URI1: variants seen among roughly 807,000 people sequenced by gnomAD.
The protein encoded by URI1 is unconventional prefoldin RPB5 interactor 1.
Under a neutral mutation model 60.2 loss-of-function variants are expected in URI1, and 39 were observed. The observed-to-expected ratio is 0.65, with a 90% CI of 0.50 to 0.85. The LOEUF is 0.85. Ranked by LOEUF, URI1 falls within the 40% of genes least tolerant of loss-of-function variation. URI1 has a pLI of 0.00. For missense variants in URI1, 691 were observed against 665.9 expected (o/e 1.04, Z -0.42); for synonymous variants, 251 against 236.8 (o/e 1.06, Z -0.55).
At chr19:30,008,687 T>A (rs2055975225) in intron 7 of URI1, among the ~76,000 whole-genome samples, 1 of 152,080 alleles carries the variant, frequency 6.6e-6, no homozygotes, top group African/African-American at 2.4e-5. Flanking sequence ...GAGATAAATG[T>A]TCTCTGAATT....
chr19:30,011,034 T>G, intron 8 of URI1, 60 bp from the exon 9 acceptor site: 1 of 1,550,318 alleles, frequency 6.5e-7, no homozygotes, highest in Non-Finnish European at 8.7e-7. Context: ...TTTATTTGTT[T>G]TGGTTTCACT....
intron 2 of URI1, among the ~76,000 whole-genome samples, chr19:29,977,610 T>G (rs939634203): frequency 7.3e-6 from 1 of 137,148 alleles, no homozygotes; most frequent in Non-Finnish European, 1.5e-5. Flanking sequence ...TGCCAAACTT[T>G]CTGGAAATTT....
chr19:30,001,677 T>C (rs867478622), intron 4 of URI1, among the ~76,000 whole-genome samples: 2 of 152,012 alleles, frequency 1.3e-5, no homozygotes, highest in African/African-American at 2.4e-5. Context: ...CCAGGTCCGA[T>C]ATCCCAGATC....
At chr19:29,972,103 C>T (rs958175697) in intron 2 of URI1, among the ~76,000 whole-genome samples, 1 of 152,022 alleles carries the variant, frequency 6.6e-6, no homozygotes, top group Non-Finnish European at 1.5e-5. Flanking sequence ...TAGTGTATAT[C>T]AAATGTTTTT....
At chr19:29,928,421 C>CGATGT (rs1555733902) in intron 1 of URI1, among the ~76,000 whole-genome samples, 1 of 152,104 alleles carries the variant, frequency 6.6e-6, no homozygotes, top group Non-Finnish European at 1.5e-5. Context: ...CAGTCTGGGC[C>CGATGT]GATGTCACGA....
At chr19:29,941,747 G>A (rs191882957), upstream of URI1, among the ~76,000 whole-genome samples, 215 of 152,174 alleles carry the variant, frequency 1.4e-3, 1 homozygote, top group African/African-American at 5.1e-3. Context: ...AATACAATGT[G>A]TACAGTAATT....
intron 1 of URI1, among the ~76,000 whole-genome samples, chr19:29,961,675 G>GTTTTTTT (rs200425572): frequency 2.6e-5 from 3 of 117,632 alleles, no homozygotes; most frequent in Non-Finnish European, 3.6e-5. Flanking sequence ...TTTTTTTTTT[G>GTTTTTTT]TTTTTTTTTT....
intron 4 of URI1, among the ~76,000 whole-genome samples, chr19:29,989,987 T>C (rs1016645844): frequency 6.6e-6 from 1 of 152,194 alleles, no homozygotes; most frequent in Non-Finnish European, 1.5e-5. Flanking sequence ...GATTTTCTTC[T>C]GTGTTTTCTT....
At chr19:29,957,592 CA>C (rs1322491122) in intron 1 of URI1, among the ~76,000 whole-genome samples, 3 of 152,078 alleles carry the variant, frequency 2.0e-5, no homozygotes, top group African/African-American at 4.8e-5. Context: ...CTTTGTTCTT[CA>C]AGATTGTCTT....
chr19:29,937,458 G>A (rs1343227650), upstream of URI1, among the ~76,000 whole-genome samples: 3 of 152,064 alleles, frequency 2.0e-5, no homozygotes, highest in African/African-American at 7.2e-5. Context: ...TGAGCACTTG[G>A]CATTTTGGGT....
intron 1 of URI1, among the ~76,000 whole-genome samples, chr19:29,949,217 C>T (rs1366510523): frequency 6.7e-6 from 1 of 148,508 alleles, no homozygotes; most frequent in African/African-American, 2.5e-5. Context: ...GGCGGAGGGG[C>T]TCCTCACTTT....
intron 8 of URI1, among the ~76,000 whole-genome samples, chr19:30,010,125 A>G (rs2055999051): frequency 6.6e-6 from 1 of 152,210 alleles, no homozygotes; most frequent in African/African-American, 2.4e-5. Flanking sequence ...TTTAAGGCCT[A>G]GAAGACATAG....
chr19:29,967,602 G>GT (rs2055406072), intron 1 of URI1, among the ~76,000 whole-genome samples: 1 of 152,216 alleles, frequency 6.6e-6, no homozygotes, highest in Non-Finnish European at 1.5e-5. Context: ...TTATTTGTGA[G>GT]TGTGGGACTG....
chr19:29,924,986 C>T (rs1269607557), intron 1 of URI1, among the ~76,000 whole-genome samples: 1 of 152,240 alleles, frequency 6.6e-6, no homozygotes, highest in African/African-American at 2.4e-5. Flanking sequence ...CAGGCATGCA[C>T]CACCACGCCC....
intron 7 of URI1, 28 bp downstream of exon 7, chr19:30,007,666 G>T: frequency 1.3e-6 from 2 of 1,543,848 alleles, no homozygotes; most frequent in South Asian, 1.2e-5. Flanking sequence ...ATCTTTCCAA[G>T]ATAATTTGTT....
At chr19:30,010,605 C>T (rs1315979069) in intron 8 of URI1, among the ~76,000 whole-genome samples, 1 of 152,048 alleles carries the variant, frequency 6.6e-6, no homozygotes, top group Non-Finnish European at 1.5e-5. Context: ...CCATGTGAAC[C>T]CTGAACAGGC....
intron 1 of URI1, chr19:29,956,339 T>G: frequency 1.6e-6 from 1 of 639,356 alleles, no homozygotes; most frequent in Non-Finnish European, 2.5e-6. Flanking sequence ...TTTTATTGCA[T>G]CATTGAAATA....
chr19:29,995,847 G>A (rs114654063), intron 4 of URI1, among the ~76,000 whole-genome samples: 3,385 of 151,884 alleles, frequency 0.022, 145 homozygotes, highest in African/African-American at 0.078. Flanking sequence ...TTCTCAACAC[G>A]ATTTGCTGAA....
At chr19:29,999,684 G>A (rs1350567503) in intron 4 of URI1, among the ~76,000 whole-genome samples, 1 of 151,950 alleles carries the variant, frequency 6.6e-6, no homozygotes, top group Non-Finnish European at 1.5e-5. Flanking sequence ...ATTTCGTTGA[G>A]CTTCTTGGAT....
Sources: allele counts gnomAD v4.1 joint callset (sites outside exome capture counted in the v4.1 genomes callset), GRCh38; gene constraint gnomAD v4.1.1; transcripts MANE v1.5; gene names NCBI Gene and HGNC (gene_info 2026-07-23, HGNC 2026-07-21).